The following CINP variants were observed in gnomAD, a reference collection of about 807,000 sequenced individuals.
CINP encodes cyclin dependent kinase 2 interacting protein, also known as cyclin-dependent kinase 2-interacting protein.
CINP carries 11 observed loss-of-function variants against 20.5 expected under a neutral mutation model. The observed-to-expected ratio is 0.54, with a 90% confidence interval of 0.34 to 0.89. CINP has a LOEUF of 0.89. CINP is among the 40% of genes least tolerant of loss of function. The probability of loss-of-function intolerance (pLI) is 0.02; values close to 1 mark genes in which losing one functional copy is unlikely to be tolerated. For synonymous variants in CINP, 108 were observed against 102.1 expected, an observed-to-expected ratio of 1.06 and a Z score of -0.35; for missense variants, 213 against 251.0, an observed-to-expected ratio of 0.85 and a Z score of 1.02.
chr14:102,358,623 G>A (rs1025250345), intron 2 of CINP, among the ~76,000 whole-genome samples: 2 of 152,142 alleles, frequency 1.3e-5, no homozygotes, highest in African/African-American at 4.8e-5. Context: ...AGAAGTTAGA[G>A]TGAGCCAAGA....
rs542245734 is a variant in CINP, at chr14:102,354,812, G to A, written c.306+956C>T. On this transcript the variant is annotated intron_variant, in intron 3 of 4. Transcript: ENST00000216756. ...AGGCCAGGTGCGGTGACTCACGCCTGTAATCCCAGCAGTTTGGGAGGCCAA... is the reference window on the plus strand; with the variant it reads ...AGGCCAGGTGCGGTGACTCACGCCTATAATCCCAGCAGTTTGGGAGGCCAA... Among the ~76,000 whole-genome samples the A allele has an allele frequency of 3.3e-5, 5 of 152,180 alleles. No homozygotes were observed. The East Asian group carries it at 9.7e-4, about 29-fold the overall frequency.
At chr14:102,359,705 A>G in intron 1 of CINP, 118 bp from the exon 2 acceptor site, 1 of 633,316 alleles carries the variant, frequency 1.6e-6, no homozygotes, top group Non-Finnish European at 2.6e-6. Context: ...TCAACTGGAC[A>G]AATAAATGTG....
At chr14:102,360,232 G>T (rs1334036070) in intron 1 of CINP, among the ~76,000 whole-genome samples, 2 of 152,024 alleles carry the variant, frequency 1.3e-5, no homozygotes, top group East Asian at 3.9e-4. Context: ...AAGCTGAGGT[G>T]CCTGCAGGCC....
chr14:102,362,496 G>C, intron 1 of CINP: 1 of 699,324 alleles, frequency 1.4e-6, no homozygotes, highest in Non-Finnish European at 2.6e-6. Context: ...TCAGAGAGGA[G>C]TTTCTGGACG....
At chr14:102,358,962 T>C (rs1887062779) in intron 2 of CINP, among the ~76,000 whole-genome samples, 1 of 151,870 alleles carries the variant, frequency 6.6e-6, no homozygotes, top group Non-Finnish European at 1.5e-5. Context: ...CACAGCACTT[T>C]GGGAGGCTGA....
At chr14:102,356,075 T>C (rs1886992641) in intron 2 of CINP, among the ~76,000 whole-genome samples, 178 bp from the exon 3 acceptor site, 1 of 152,208 alleles carries the variant, frequency 6.6e-6, no homozygotes, top group Admixed American at 6.5e-5. Context: ...GCAATGAATA[T>C]GTCCATTGGT....
rs1567304801 is a variant in CINP at position 102,351,137 on chromosome 14, T to G, written c.307-1089A>C. 6.6e-6 allele frequency among the ~76,000 whole-genome samples: 1 copy of G among 152,164 alleles called. No homozygotes were observed. Among genetic ancestry groups the G allele is most frequent in the Non-Finnish European group, 1.5e-5 (1 of 68,030 alleles). ...CCGCACCAGGCCTGACTCTCTCTTA[T>G]TAACTGCCTTTATTTACGGAAACCT... On this transcript the variant is annotated intron_variant, in intron 3 of 4. Coordinates refer to ENST00000216756, the MANE Select transcript of CINP (RefSeq NM_032630.3). This position sits in a 1 kb window ranked among gnomAD's most constrained non-coding sequence, Gnocchi z 4.2.
In CINP at chr14:102,349,956, T is replaced by C. The variant is rs1048238669; in HGVS notation, c.399A>G (p.Arg133=). The C allele has an allele frequency of 4.3e-6, 7 of 1,612,804 alleles. No homozygotes were observed. In the African/African-American group the frequency reaches 9.4e-5, roughly 22 times the overall value. Residue 133 remains arginine (R), a synonymous_variant, in exon 4 of 5, where the codon CGA becomes CGG. Coordinates refer to ENST00000216756, the MANE Select transcript of CINP (RefSeq NM_032630.3). ...ENYHYGEESK[R]PPLFHTWPTT... ...TAGGCCACGTGTGGAACAGAGGGGG[T>C]CGTTTACTCTCCTCCCCATAATGGT...
At chr14:102,360,846 G>C (rs949881836) in intron 1 of CINP, among the ~76,000 whole-genome samples, 2 of 152,118 alleles carry the variant, frequency 1.3e-5, no homozygotes, top group Non-Finnish European at 2.9e-5. Context: ...CTATCTGTGT[G>C]TGTCCCCACT....
At position 102,355,832 on chromosome 14, in the gene CINP, C is replaced by G; in HGVS notation, c.242G>C (p.Cys81Ser). 1 of 1,614,226 alleles carries G rather than the reference C, an allele frequency of 6.2e-7. No individual in the cohort carries two copies. The change falls in exon 3 of 5, where the codon TGT becomes TCT. Residue 81 changes from cysteine to serine, a missense_variant. Physicochemically the swap from Cys to Ser is moderately radical, Grantham distance 112. Coordinates refer to ENST00000216756, the MANE Select transcript of CINP (RefSeq NM_032630.3). ...PASKENEEKVCLEYNEELEKL... is the reference protein window; with the variant it reads ...PASKENEEKVSLEYNEELEKL... ...CTCCAGTTCCTCGTTATATTCCAGA[C>G]ACACCTTTTCTTCATTTTCCTTCGA...
rs1343082278 is a variant in CINP at position 102,355,883 on chromosome 14, A to G, written c.191T>C (p.Ile64Thr). ...GGCTGGGCTGCTGCTGTCTAGTTCT[A>G]TCTTGTCTTTATTCCTAAACAAAAT... is the stretch of plus-strand genomic sequence containing the variant. ...LKISLLNKDK[I>T]ELDSSSPASK... Residue 64 changes from isoleucine to threonine, a missense_variant, in exon 3 of 5, where the codon ATA becomes ACA. By Grantham distance (89) the Ile-to-Thr change is moderately conservative (BLOSUM62 -1). Transcript: ENST00000216756. 2 of 1,614,078 alleles carry G rather than the reference A, an allele frequency of 1.2e-6. No individual in the cohort carries two copies. The highest frequency in any genetic ancestry group is 1.1e-5 in the South Asian group (1 of 91,074).
intron 2 of CINP, among the ~76,000 whole-genome samples, 192 bp downstream of exon 2, chr14:102,359,227 A>AATATATATAT (rs10632205): frequency 0.029 from 3,360 of 115,212 alleles, 106 homozygotes; most frequent in African/African-American, 0.059. Flanking sequence ...TAAATAACTA[A>AATATATATAT]ATATATATAT....
rs1886793113 is a variant in CINP at position 102,348,479 on chromosome 14, C to CT, written c.*77dup. The CT allele has an allele frequency of 7.5e-7, 1 of 1,340,750 alleles. No individual in the cohort carries two copies. The highest frequency in any genetic ancestry group is 1.0e-6 in the Non-Finnish European group (1 of 975,174). 83.1% of individuals were successfully genotyped at this position (1,340,750 alleles called of 1,614,324 possible). A position where few individuals can be genotyped will look rare whatever the true frequency, so the allele number is the denominator to read the frequency against. On this transcript the variant is annotated 3_prime_UTR_variant, in exon 5 of 5. Transcript: ENST00000216756. ...TCTGATCCTGGGGTCTGATCCAGGCCTGCGGCACTGGGTCCTAGGCAGACT... is the reference window on the plus strand; with the variant it reads ...TCTGATCCTGGGGTCTGATCCAGGCCTTGCGGCACTGGGTCCTAGGCAGACT...
chr14:102,348,461 C>A lies in CINP; in HGVS notation c.*96G>T. 8.7e-7 allele frequency: 1 copy of A among 1,153,810 alleles called. No homozygotes were observed. Among genetic ancestry groups the A allele is most frequent in the Non-Finnish European group, 1.2e-6 (1 of 818,272 alleles). 71.5% of individuals were successfully genotyped at this position (1,153,810 alleles called of 1,614,324 possible). A position where few individuals can be genotyped will look rare whatever the true frequency, so the allele number is the denominator to read the frequency against. The stretch of plus-strand genomic sequence containing the variant: ...GGCCAGAAGACCCCAAGGTCTGATC[C>A]TGGGGTCTGATCCAGGCCTGCGGCA... On this transcript the variant is annotated 3_prime_UTR_variant, in exon 5 of 5. Transcript: ENST00000216756.
chr14:102,361,513 C>A (rs891744104), intron 1 of CINP, among the ~76,000 whole-genome samples: 4 of 152,122 alleles, frequency 2.6e-5, no homozygotes, highest in African/African-American at 9.7e-5. Context: ...TGGTGGCGGG[C>A]GCCTGTAGTC....
intron 1 of CINP, among the ~76,000 whole-genome samples, chr14:102,361,676 T>C (rs577184128): frequency 5.4e-5 from 8 of 149,230 alleles, no homozygotes; most frequent in Non-Finnish European, 9.0e-5. Context: ...CAAAACAAAA[T>C]AAAAAAATGA....
At chr14:102,357,382 T>TGC (rs1887023134) in intron 2 of CINP, among the ~76,000 whole-genome samples, 1 of 5,080 alleles carries the variant, frequency 2.0e-4, no homozygotes, top group African/African-American at 9.2e-4. Context: ...ACTCCATCTC[T>TGC]ACAAAAAAAA....
intron 3 of CINP, among the ~76,000 whole-genome samples, chr14:102,353,387 A>G (rs1235227654): frequency 1.3e-5 from 2 of 152,134 alleles, no homozygotes; most frequent in Non-Finnish European, 2.9e-5. Context: ...AGCAGTGGAA[A>G]GTCCTGGCTG....
At chr14:102,360,119 A>G (rs900043859) in intron 1 of CINP, among the ~76,000 whole-genome samples, 5 of 152,116 alleles carry the variant, frequency 3.3e-5, no homozygotes, top group Admixed American at 1.3e-4. Context: ...GAAGTCCAAA[A>G]TCCTTCCAGA....
Sources: allele counts gnomAD v4.1 joint callset (sites outside exome capture counted in the v4.1 genomes callset), GRCh38; gene constraint gnomAD v4.1.1; non-coding constraint Gnocchi (gnomAD v3.1); transcripts MANE v1.5; gene names NCBI Gene and HGNC (gene_info 2026-07-23, HGNC 2026-07-21).